The following MYO10 variants were observed in gnomAD, a reference collection of about 807,000 sequenced individuals.
MYO10 encodes myosin X, also known as unconventional myosin-X.
In MYO10, 133 loss-of-function variants were observed where a neutral mutation model predicts 257.3. That is an observed-to-expected ratio of 0.52 (90% confidence interval 0.45 to 0.60). MYO10 has a LOEUF of 0.60. MYO10 is among the 20% of genes least tolerant of loss of function. The pLI is 0.00. For synonymous variants in MYO10, 1,104 were observed against 1,028.6 expected, an observed-to-expected ratio of 1.07 and a Z score of -1.40; for missense variants, 2,399 against 2,635.7, an observed-to-expected ratio of 0.91 and a Z score of 1.97.
At chr5:16,860,926 TG>T (rs1164130298) in intron 2 of MYO10, among the ~76,000 whole-genome samples, 2 of 152,194 alleles carry the variant, frequency 1.3e-5, no homozygotes, top group African/African-American at 4.8e-5. Flanking sequence ...CTTGCAAAAG[TG>T]TGCTTTCACA....
chr5:16,730,000 G>A (rs1361528711), intron 19 of MYO10, among the ~76,000 whole-genome samples: 1 of 152,132 alleles, frequency 6.6e-6, no homozygotes, highest in Non-Finnish European at 1.5e-5. Flanking sequence ...AGTCTCTTTG[G>A]TCCCAACCCT....
At chr5:16,884,017 T>A (rs1178531413) in intron 1 of MYO10, among the ~76,000 whole-genome samples, 1 of 152,218 alleles carries the variant, frequency 6.6e-6, no homozygotes, top group Non-Finnish European at 1.5e-5. Flanking sequence ...CTATGTTAAG[T>A]ACCTCAGTTC....
intron 2 of MYO10, among the ~76,000 whole-genome samples, chr5:16,865,095 C>A (rs1744207484): frequency 6.6e-6 from 1 of 152,140 alleles, no homozygotes; most frequent in Admixed American, 6.6e-5. Flanking sequence ...TTTCATACAG[C>A]TGCAACTGTT....
chr5:16,811,079 A>AAC (rs1742424515), intron 3 of MYO10, among the ~76,000 whole-genome samples: 1 of 151,854 alleles, frequency 6.6e-6, no homozygotes, highest in Non-Finnish European at 1.5e-5. Context: ...AAAAAAAAAA[A>AAC]AAAAAACAAA....
Position 16,927,324 on chromosome 5 carries a change from GTTTA to G in MYO10, c.21+8460_21+8463del, listed in dbSNP as rs199709307. Among the ~76,000 whole-genome samples, 1,307 of 152,068 alleles carry G rather than the reference GTTTA, an allele frequency of 8.6e-3. 17 individuals are homozygous for G. The highest frequency in any genetic ancestry group is 0.029 in the African/African-American group (1,216 of 41,518). On this transcript the variant is annotated intron_variant, in intron 1 of 40. Coordinates refer to ENST00000513610, the MANE Select transcript of MYO10 (RefSeq NM_012334.3). ...TTATGGTATTTTCTTTTGTTTGTTT[GTTTA>G]TTTATTTATTTATTGAGATGGAGTC...
chr5:16,706,119 G>A (rs1332426914), intron 21 of MYO10, among the ~76,000 whole-genome samples: 1 of 152,068 alleles, frequency 6.6e-6, no homozygotes, highest in Non-Finnish European at 1.5e-5. Context: ...GGAGGCAGAG[G>A]TTGCAGTGAG....
chr5:16,812,218 G>C (rs1324995489), intron 3 of MYO10, among the ~76,000 whole-genome samples: 1 of 150,758 alleles, frequency 6.6e-6, no homozygotes, highest in Admixed American at 6.6e-5. Flanking sequence ...AGATTGATGA[G>C]GGGAAGTCTC....
intron 19 of MYO10, among the ~76,000 whole-genome samples, chr5:16,713,982 C>A (rs1203551798): frequency 6.6e-6 from 1 of 152,072 alleles, no homozygotes; most frequent in Non-Finnish European, 1.5e-5. Context: ...CTAACCAGGG[C>A]AATTACAGTC....
chr5:16,865,460 A>C (rs924802182), intron 2 of MYO10, among the ~76,000 whole-genome samples: 3 of 152,230 alleles, frequency 2.0e-5, no homozygotes, highest in Non-Finnish European at 4.4e-5. Context: ...AAGAAAAGAT[A>C]CAAACCATAC....
At chr5:16,901,483 G>C (rs1745377107) in intron 1 of MYO10, among the ~76,000 whole-genome samples, 1 of 152,162 alleles carries the variant, frequency 6.6e-6, no homozygotes, top group African/African-American at 2.4e-5. Context: ...AACTTTGCCA[G>C]AAGAGCGTAT....
chr5:16,699,663 C>A (rs892765184), intron 25 of MYO10, 90 bp from the exon 26 acceptor site: 1 of 1,536,588 alleles, frequency 6.5e-7, no homozygotes, highest in East Asian at 2.3e-5. Context: ...TGAAAAAATA[C>A]AAAAATACAG....
chr5:16,703,693 C>G (rs1312050728), intron 22 of MYO10, among the ~76,000 whole-genome samples: 1 of 151,826 alleles, frequency 6.6e-6, no homozygotes, highest in East Asian at 1.9e-4. Flanking sequence ...ACCATCCTGG[C>G]CAACATGGTG....
Position 16,683,933 on chromosome 5 carries a change from G to A in MYO10, c.3993C>T (p.Gly1331=). 2 of 1,613,308 alleles carry A rather than the reference G, an allele frequency of 1.2e-6. No homozygotes were observed. Among genetic ancestry groups the A allele is most frequent in the Non-Finnish European group, 1.7e-6 (2 of 1,179,646 alleles). Residue 1331 remains glycine (G), a splice_region_variant and synonymous_variant, in exon 30 of 41, where the codon GGC becomes GGT. Coordinates refer to ENST00000513610, the MANE Select transcript of MYO10 (RefSeq NM_012334.3). The part of the protein sequence containing the change: ...DEQANPQNAV[G]TLDVGLIDSV... ...AATCAATCAGCCCCACATCCAAGGT[G>A]CCCTGGAAAAGAACAAAAAGTAAAC...
chr5:16,826,665 T>C (rs1233544690), intron 2 of MYO10, among the ~76,000 whole-genome samples: 1 of 152,130 alleles, frequency 6.6e-6, no homozygotes, highest in Non-Finnish European at 1.5e-5. Context: ...CTGATGAAAA[T>C]CTATTTGTCA....
intron 2 of MYO10, among the ~76,000 whole-genome samples, chr5:16,850,616 T>C (rs73062905): frequency 0.048 from 7,294 of 151,872 alleles, 606 homozygotes; most frequent in African/African-American, 0.17. Flanking sequence ...AAATGAAATA[T>C]ATCCTCAGTT....
At chr5:16,699,280 C>T (rs1277401519) in intron 26 of MYO10, among the ~76,000 whole-genome samples, 170 bp downstream of exon 26, 2 of 152,102 alleles carry the variant, frequency 1.3e-5, no homozygotes, top group Non-Finnish European at 2.9e-5. Context: ...CTTCATTCAT[C>T]TAAGTGGCCC....
At chr5:16,923,135 C>T (rs1247587476) in intron 1 of MYO10, among the ~76,000 whole-genome samples, 1 of 152,154 alleles carries the variant, frequency 6.6e-6, no homozygotes, top group Non-Finnish European at 1.5e-5. Flanking sequence ...CTAGTTTCTT[C>T]AGCCTTCAAC....
chr5:16,678,377 G>T (rs1346992255), intron 33 of MYO10, among the ~76,000 whole-genome samples: 1 of 151,824 alleles, frequency 6.6e-6, no homozygotes, highest in Admixed American at 6.6e-5. Flanking sequence ...GTCAGGAGTT[G>T]GAGTCTAGCC....
At chr5:16,696,855 C>CAAA (rs11284007) in intron 26 of MYO10, among the ~76,000 whole-genome samples, 7 of 99,090 alleles carry the variant, frequency 7.1e-5, no homozygotes, top group East Asian at 3.0e-4. Context: ...GACTCTGTCT[C>CAAA]AAAAAAAAAA....
Sources: allele counts gnomAD v4.1 joint callset (sites outside exome capture counted in the v4.1 genomes callset), GRCh38; gene constraint gnomAD v4.1.1; transcripts MANE v1.5; gene names NCBI Gene and HGNC (gene_info 2026-07-23, HGNC 2026-07-21).